The following CYRIA variants were observed in gnomAD, a reference collection of about 807,000 sequenced individuals.
The protein encoded by CYRIA is CYFIP related Rac1 interactor A.
A neutral mutation model predicts 43.9 loss-of-function variants in CYRIA; 15 were observed. The observed-to-expected ratio is 0.34, with a 90% CI of 0.23 to 0.53. The LOEUF (loss-of-function observed/expected upper bound fraction) is 0.53. CYRIA is among the 20% of genes least tolerant of loss of function. The pLI, the probability that CYRIA is intolerant of heterozygous loss-of-function variation, is 0.94. For missense variants in CYRIA, 236 were observed against 394.2 expected (o/e 0.60, Z 3.40); for synonymous variants, 117 against 136.0 (o/e 0.86, Z 0.97).
intron 3 of CYRIA, among the ~76,000 whole-genome samples, chr2:16,574,699 TG>T (rs1354584971): frequency 6.6e-6 from 1 of 152,174 alleles, no homozygotes; most frequent in Non-Finnish European, 1.5e-5. Context: ...GGCTCACATG[TG>T]GTGCTGAGTC....
At chr2:16,557,724 C>T (rs1666576674) in intron 10 of CYRIA, among the ~76,000 whole-genome samples, 2 of 152,106 alleles carry the variant, frequency 1.3e-5, no homozygotes, top group African/African-American at 2.4e-5. Context: ...TTTACAGCCT[C>T]AACTGAAAGA....
In CYRIA at chr2:16,640,346, G is replaced by A. The variant is rs1053935621; in HGVS notation, c.-166-16327C>T. The stretch of plus-strand genomic sequence containing the variant: ...AGCAGGCCAGCCCCTCCCCCACAGC[G>A]CTAGGGTTCTAGCCTCCTGAAATCA... On this transcript the variant is annotated intron_variant, in intron 1 of 11. Coordinates refer to ENST00000381323, the MANE Select transcript of CYRIA (RefSeq NM_030797.4). Among the ~76,000 whole-genome samples the A allele has an allele frequency of 2.6e-5, 4 of 152,208 alleles. No homozygotes were observed. In the East Asian group the frequency reaches 5.8e-4, roughly 22 times the overall value.
At chr2:16,556,504 G>A (rs888244851) in intron 10 of CYRIA, among the ~76,000 whole-genome samples, 1 of 152,146 alleles carries the variant, frequency 6.6e-6, no homozygotes, top group Non-Finnish European at 1.5e-5. Flanking sequence ...AGCAGGGAAT[G>A]CTGTTTGGGA....
At chr2:16,600,899 AAGAT>A (rs920264313) in intron 2 of CYRIA, among the ~76,000 whole-genome samples, 2 of 152,234 alleles carry the variant, frequency 1.3e-5, no homozygotes, top group African/African-American at 2.4e-5. Flanking sequence ...AAGAAAATAA[AAGAT>A]AGAGTCACAT....
intron 2 of CYRIA, among the ~76,000 whole-genome samples, chr2:16,615,986 T>C (rs144419074): frequency 4.6e-4 from 70 of 152,300 alleles, no homozygotes; most frequent in African/African-American, 1.5e-3. Flanking sequence ...TTCGCTCGAT[T>C]ATCGCTGTGT....
chr2:16,607,921 C>A (rs902609079), intron 2 of CYRIA, among the ~76,000 whole-genome samples: 5 of 152,154 alleles, frequency 3.3e-5, no homozygotes, highest in Non-Finnish European at 7.4e-5. Context: ...CTTGCTCATA[C>A]TGTTCCTTTT....
chr2:16,651,173 AC>A (rs1669964993), intron 1 of CYRIA, among the ~76,000 whole-genome samples: 1 of 151,944 alleles, frequency 6.6e-6, no homozygotes, highest in South Asian at 2.1e-4. Flanking sequence ...GACAATTCAC[AC>A]CTTTGGTTTC....
intron 1 of CYRIA, among the ~76,000 whole-genome samples, chr2:16,640,943 C>T (rs1367384096): frequency 6.6e-6 from 1 of 152,048 alleles, no homozygotes; most frequent in Non-Finnish European, 1.5e-5. Flanking sequence ...CAGCCGAGGC[C>T]ACTGACCTCA....
intron 1 of CYRIA, among the ~76,000 whole-genome samples, chr2:16,662,316 A>C (rs1670279840): frequency 6.6e-6 from 1 of 152,364 alleles, no homozygotes; most frequent in Middle Eastern, 3.4e-3. Flanking sequence ...ATATAACTAA[A>C]TAACAGCAAG....
At chr2:16,638,468 AAG>A (rs749040941) in intron 1 of CYRIA, among the ~76,000 whole-genome samples, 28 of 152,262 alleles carry the variant, frequency 1.8e-4, no homozygotes, top group South Asian at 8.3e-4. Context: ...ATGCACCACT[AAG>A]GGATGCTGTG....
intron 10 of CYRIA, among the ~76,000 whole-genome samples, chr2:16,558,728 T>C (rs1022811875): frequency 1.3e-5 from 2 of 152,178 alleles, no homozygotes; most frequent in African/African-American, 2.4e-5. Context: ...CCACCCACTA[T>C]GTGCCAGGTA....
intron 2 of CYRIA, among the ~76,000 whole-genome samples, chr2:16,612,951 T>C (rs186227567): frequency 1.3e-5 from 2 of 152,308 alleles, no homozygotes; most frequent in Non-Finnish European, 2.9e-5. Flanking sequence ...TGAGATCTGA[T>C]GGTTTTATAA....
chr2:16,645,264 C>T (rs924149755), intron 1 of CYRIA, among the ~76,000 whole-genome samples: 1 of 152,202 alleles, frequency 6.6e-6, no homozygotes, highest in Admixed American at 6.5e-5. Flanking sequence ...ATTCCACAAA[C>T]ATTTGCTAAG....
chr2:16,606,328 C>T (rs1237569976), intron 2 of CYRIA, among the ~76,000 whole-genome samples: 1 of 152,096 alleles, frequency 6.6e-6, no homozygotes, highest in Non-Finnish European at 1.5e-5. Context: ...CTCTCCATGT[C>T]TCCCTTAGAT....
At chr2:16,633,543 CTTTTTTTTT>C (rs755223919) in intron 1 of CYRIA, among the ~76,000 whole-genome samples, 2 of 92,320 alleles carry the variant, frequency 2.2e-5, no homozygotes, top group Non-Finnish European at 4.3e-5. Context: ...CTATCCCTGG[CTTTTTTTTT>C]TTTTTTTTTT....
intron 1 of CYRIA, among the ~76,000 whole-genome samples, chr2:16,644,399 A>G (rs566364778): frequency 1.2e-4 from 19 of 152,124 alleles, no homozygotes; most frequent in Non-Finnish European, 2.6e-4. Context: ...TGAAAACTTC[A>G]GTGCCTAGTC....
intron 1 of CYRIA, among the ~76,000 whole-genome samples, chr2:16,656,251 T>A (rs56267957): frequency 0.14 from 20,520 of 151,312 alleles, 2,032 homozygotes; most frequent in African/African-American, 0.28. Context: ...CACACATACC[T>A]ATACACACAC....
chr2:16,624,818 G>C lies in CYRIA; in HGVS notation c.-166-799C>G, dbSNP rs185201346. 1.2e-4 allele frequency among the ~76,000 whole-genome samples: 19 copies of C among 152,294 alleles called. 1 individual carries two copies. In the East Asian group the frequency reaches 3.7e-3, roughly 29 times the overall value. On this transcript the variant is annotated intron_variant, in intron 1 of 11. Transcript: ENST00000381323. ...ATCTGTCAGGCATACCATGAGAATT[G>C]TATAAATATACTTTCTTATTAATTT...
At chr2:16,632,117 C>T (rs1187377110) in intron 1 of CYRIA, among the ~76,000 whole-genome samples, 1 of 152,204 alleles carries the variant, frequency 6.6e-6, no homozygotes, top group Non-Finnish European at 1.5e-5. Context: ...CTAGGAGGCA[C>T]AGCACTCTGG....
Sources: allele counts gnomAD v4.1 joint callset (sites outside exome capture counted in the v4.1 genomes callset), GRCh38; gene constraint gnomAD v4.1.1; transcripts MANE v1.5; gene names NCBI Gene and HGNC (gene_info 2026-07-23, HGNC 2026-07-21).